NRCAM: variants seen among roughly 807,000 people sequenced by gnomAD.
NRCAM encodes the protein neuronal cell adhesion molecule.
In NRCAM, 83 loss-of-function variants were observed where a neutral mutation model predicts 156.5. The ratio of observed to expected loss-of-function variants is 0.53; its 90% CI spans 0.44 to 0.64. The LOEUF (loss-of-function observed/expected upper bound fraction) is 0.64. Ranked by LOEUF, NRCAM falls within the 30% of genes least tolerant of loss-of-function variation. NRCAM has a pLI of 0.00. For synonymous variants in NRCAM, 538 were observed against 563.9 expected (o/e 0.95, Z 0.65); for missense variants, 1,417 against 1,597.3 (o/e 0.89, Z 1.92).
In NRCAM at chr7:108,191,757, G is replaced by C; in HGVS notation, c.1875C>G (p.Val625=). The C allele has an allele frequency of 6.2e-7, 1 of 1,613,916 alleles. No homozygotes were observed. The highest frequency in any genetic ancestry group is 8.5e-7 in the Non-Finnish European group (1 of 1,179,830). ...CAACGCTAAGCACAGCGCTGGCGGA[G>C]ACGCTGTCCAGAGTGGTGTTGGCCA... ...TCVANTTLDS[V]SASAVLSVVA... is the part of the protein sequence containing the mutation. The change falls in exon 18 of 33, where the codon GTC becomes GTG. Residue 625 remains valine, a synonymous_variant. Coordinates refer to ENST00000379028, the MANE Select transcript of NRCAM (RefSeq NM_001037132.4).
chr7:108,273,589 G>A (rs117684070), intron 3 of NRCAM, among the ~76,000 whole-genome samples: 9,829 of 152,080 alleles, frequency 0.065, 419 homozygotes, highest in Non-Finnish European at 0.088. Context: ...CTTTTTATGC[G>A]GTTGTTTTTT....
chr7:108,255,197 C>G (rs930705657), intron 3 of NRCAM, among the ~76,000 whole-genome samples: 1 of 145,660 alleles, frequency 6.9e-6, no homozygotes, highest in African/African-American at 2.6e-5. Flanking sequence ...CCACTTTCCA[C>G]GGTCTCCCTC....
At chr7:108,168,691 G>A (rs569854814) in intron 28 of NRCAM, among the ~76,000 whole-genome samples, 10 of 152,220 alleles carry the variant, frequency 6.6e-5, no homozygotes, top group East Asian at 1.9e-4. Context: ...ATACAGTCCC[G>A]GGAAATGTCA....
intron 10 of NRCAM, among the ~76,000 whole-genome samples, chr7:108,224,818 A>C (rs1211039961): frequency 6.6e-6 from 1 of 152,122 alleles, no homozygotes; most frequent in African/African-American, 2.4e-5. Flanking sequence ...TCACTTTGGG[A>C]ATGGTCTTGG....
chr7:108,246,557 T>C (rs781403707), intron 3 of NRCAM, among the ~76,000 whole-genome samples: 29 of 152,192 alleles, frequency 1.9e-4, no homozygotes, highest in Admixed American at 1.1e-3. Flanking sequence ...ATGAAGCCAG[T>C]GGGCAGCAGA....
intron 3 of NRCAM, among the ~76,000 whole-genome samples, chr7:108,306,903 C>T (rs2098722943): frequency 6.6e-6 from 1 of 152,160 alleles, no homozygotes; most frequent in African/African-American, 2.4e-5. Context: ...TAAGTATTTT[C>T]AGTTTTATTT....
chr7:108,268,624 GTGGGGGGGGGT>G (rs2097199683), intron 3 of NRCAM, among the ~76,000 whole-genome samples: 1 of 98,204 alleles, frequency 1.0e-5, no homozygotes, highest in Non-Finnish European at 2.1e-5. Context: ...GGGGGTGGGG[GTGGGGGGGGGT>G]TGGGGGGGGC....
chr7:108,304,804 A>G (rs1429669665), intron 3 of NRCAM, among the ~76,000 whole-genome samples: 7 of 152,160 alleles, frequency 4.6e-5, no homozygotes, highest in African/African-American at 1.7e-4. Context: ...GCTTTCCATT[A>G]TGTACTCTTT....
At chr7:108,405,014 G>A (rs2099803339) in intron 1 of NRCAM, among the ~76,000 whole-genome samples, 1 of 152,194 alleles carries the variant, frequency 6.6e-6, no homozygotes, top group Admixed American at 6.5e-5. Flanking sequence ...CGTCCCCTCC[G>A]CTATGACTAT....
In NRCAM at chr7:108,263,775, C is replaced by A. The variant is rs545444865; in HGVS notation, c.-106-23605G>T. 5.9e-5 allele frequency among the ~76,000 whole-genome samples: 9 copies of A among 152,300 alleles called. No individual in the cohort carries two copies. In the South Asian group the frequency reaches 1.9e-3, roughly 32 times the overall value. On this transcript the variant is annotated intron_variant, in intron 3 of 32. Transcript: ENST00000379028. ...TTGGGTGGGTGCCACCAGCAAGGAACACATGTTAGACAGCTGAAAGTGACC... is the reference window on the plus strand; with the variant it reads ...TTGGGTGGGTGCCACCAGCAAGGAAAACATGTTAGACAGCTGAAAGTGACC...
In NRCAM at chr7:108,188,947, T is replaced by C. The variant is rs909056668; in HGVS notation, c.2035+698A>G. On this transcript the variant is annotated intron_variant, in intron 20 of 32. Coordinates refer to ENST00000379028, the MANE Select transcript of NRCAM (RefSeq NM_001037132.4). ...TGAAGGTAATAATGTATTTCAGGCA[T>C]GTGACCTGATTGTGTCTGCCTCTTA... 1.3e-4 allele frequency among the ~76,000 whole-genome samples: 19 copies of C among 151,216 alleles called. No homozygotes were observed. In the Admixed American group the frequency reaches 1.3e-3, roughly 10 times the overall value.
intron 1 of NRCAM, among the ~76,000 whole-genome samples, chr7:108,445,998 G>A (rs1040642824): frequency 2.0e-5 from 3 of 152,092 alleles, no homozygotes; most frequent in African/African-American, 2.4e-5. Flanking sequence ...AATTCAGAGG[G>A]TAGAAAGCAA....
At chr7:108,283,005 C>A (rs576239850) in intron 3 of NRCAM, among the ~76,000 whole-genome samples, 1 of 152,340 alleles carries the variant, frequency 6.6e-6, no homozygotes, top group Admixed American at 6.5e-5. Context: ...ATGCAGCCTA[C>A]TTTAAAAACC....
chr7:108,196,800 C>T (rs1389723976), intron 14 of NRCAM, among the ~76,000 whole-genome samples: 1 of 152,114 alleles, frequency 6.6e-6, no homozygotes, highest in Non-Finnish European at 1.5e-5. Flanking sequence ...ATACTCAAAA[C>T]ATTAAAAATA....
Position 108,165,804 on chromosome 7 carries a change from G to A in NRCAM, c.3466+1117C>T, listed in dbSNP as rs143956949. On this transcript the variant is annotated intron_variant, in intron 30 of 32. Coordinates refer to ENST00000379028, the MANE Select transcript of NRCAM (RefSeq NM_001037132.4). Reference sequence around the variant, plus strand: ...CTGACTTTAAAAATCATAATGCTTTGTTAATGAAAGTCACAAAAAATACAT... The same window carrying A: ...CTGACTTTAAAAATCATAATGCTTTATTAATGAAAGTCACAAAAAATACAT... Among the ~76,000 whole-genome samples, 154 of 152,190 alleles carry A rather than the reference G, an allele frequency of 1.0e-3. 1 individual carries two copies. Among genetic ancestry groups the A allele is most frequent in the African/African-American group, 3.5e-3 (144 of 41,516 alleles).
chr7:108,407,702 G>A (rs2099810966), intron 1 of NRCAM, among the ~76,000 whole-genome samples: 1 of 152,208 alleles, frequency 6.6e-6, no homozygotes, highest in Non-Finnish European at 1.5e-5. Context: ...CTGTATTGCA[G>A]TAGTTCTCAG....
chr7:108,328,467 A>G (rs1404341137), intron 2 of NRCAM: 1 of 152,226 alleles, frequency 6.6e-6, no homozygotes, highest in Non-Finnish European at 1.5e-5. Flanking sequence ...TCCCAGTAGC[A>G]AAGGGAAATT....
intron 8 of NRCAM, among the ~76,000 whole-genome samples, chr7:108,230,315 C>T (rs2094150816): frequency 6.6e-6 from 1 of 151,708 alleles, no homozygotes; most frequent in Non-Finnish European, 1.5e-5. Flanking sequence ...ACTGCTACCA[C>T]TCAAGTCCAA....
chr7:108,381,852 C>T (rs1039450757), intron 2 of NRCAM, among the ~76,000 whole-genome samples: 4 of 152,092 alleles, frequency 2.6e-5, no homozygotes, highest in South Asian at 4.1e-4. Context: ...TGAGTCACTG[C>T]GCCTGGCCTG....
Sources: allele counts gnomAD v4.1 joint callset (sites outside exome capture counted in the v4.1 genomes callset), GRCh38; gene constraint gnomAD v4.1.1; transcripts MANE v1.5; gene names NCBI Gene and HGNC (gene_info 2026-07-23, HGNC 2026-07-21).